The following GFI1B variants were observed in gnomAD, a reference collection of about 807,000 sequenced individuals.
GFI1B encodes zinc finger protein Gfi-1b.
Under a neutral mutation model 35.3 loss-of-function variants are expected in GFI1B, and 20 were observed. The ratio of observed to expected loss-of-function variants is 0.57; its 90% CI spans 0.40 to 0.82. GFI1B has a LOEUF of 0.82. Ranked by LOEUF, GFI1B falls within the 40% of genes least tolerant of loss-of-function variation. The pLI is 0.00. For missense variants in GFI1B, 430 were observed against 446.3 expected, an observed-to-expected ratio of 0.96 and a Z score of 0.33; for synonymous variants, 178 against 177.6, an observed-to-expected ratio of 1.00 and a Z score of -0.02.
At chr9:132,975,423 T>C (rs138060708), upstream of GFI1B, among the ~76,000 whole-genome samples, 353 of 152,258 alleles carry the variant, frequency 2.3e-3, 1 homozygote, top group African/African-American at 7.1e-3. Flanking sequence ...TTTCCCTACC[T>C]TCCTTCTCCC....
chr9:132,948,398 C>T (rs1172549054), intron 1 of GFI1B, among the ~76,000 whole-genome samples: 1 of 152,158 alleles, frequency 6.6e-6, no homozygotes, highest in Non-Finnish European at 1.5e-5. Context: ...CCCTGGCCTT[C>T]CAAGTTCCAT....
At chr9:132,947,941 G>A (rs1848146649) in intron 1 of GFI1B, among the ~76,000 whole-genome samples, 1 of 152,318 alleles carries the variant, frequency 6.6e-6, no homozygotes, top group East Asian at 1.9e-4. Flanking sequence ...CAGTCTATGA[G>A]TGGTTGAAGT....
chr9:132,953,994 G>GT (rs1012867238), intron 1 of GFI1B, among the ~76,000 whole-genome samples: 12 of 152,040 alleles, frequency 7.9e-5, no homozygotes, highest in African/African-American at 2.9e-4. Flanking sequence ...CCTGCCCCCT[G>GT]TTTTTTGTGC....
chr9:132,953,299 A>G (rs534235582), intron 1 of GFI1B: 19 of 152,340 alleles, frequency 1.2e-4, no homozygotes, highest in African/African-American at 4.6e-4. Context: ...TCTTTAACTT[A>G]TCACCATCTA....
rs945098182 is a variant in GFI1B at position 132,989,971 on chromosome 9, C to T, written c.814+64C>T. 5.6e-6 allele frequency: 8 copies of T among 1,423,684 alleles called. No homozygotes were observed. The highest frequency in any genetic ancestry group is 1.7e-4 in the Middle Eastern group (1 of 5,746). 88.2% of individuals were successfully genotyped at this position (1,423,684 alleles called of 1,614,324 possible). A position where few individuals can be genotyped will look rare whatever the true frequency, so the allele number is the denominator to read the frequency against. The stretch of plus-strand genomic sequence containing the variant: ...CACCCCCACCTTTCCCTGAGAGATG[C>T]ATCAGAGGCCCCCAGCGTGAGGCTG... On this transcript the variant is annotated intron_variant, in intron 6 of 6. Transcript: ENST00000372122. The surrounding 1 kb of genome is among the most constrained non-coding windows in gnomAD (Gnocchi z 6.2).
chr9:132,953,542 T>C (rs1225388078), intron 1 of GFI1B: 1 of 152,310 alleles, frequency 6.6e-6, no homozygotes, highest in East Asian at 1.9e-4. Flanking sequence ...TAGTCCCAGC[T>C]ACTTGGGAGG....
chr9:132,978,931 C>T (rs1202784474), intron 1 of GFI1B, 90 bp downstream of exon 1: 1 of 152,280 alleles, frequency 6.6e-6, no homozygotes, highest in Non-Finnish European at 1.5e-5. Flanking sequence ...CTGGCTCCTC[C>T]TGCGGTCCTA....
intron 1 of GFI1B, among the ~76,000 whole-genome samples, chr9:132,984,435 C>T (rs541228243): frequency 1.3e-5 from 2 of 152,144 alleles, no homozygotes; most frequent in Non-Finnish European, 2.9e-5. Flanking sequence ...AGAATCTGAC[C>T]GCGGGAAGGG....
chr9:132,988,395 C>T lies in GFI1B; in HGVS notation c.437C>T (p.Thr146Ile). The change falls in exon 4 of 7, where the codon ACT becomes ATT. Residue 146 changes from threonine to isoleucine, a missense_variant. Transcript: ENST00000372122. The part of the protein sequence containing the change: ...SLYGSPLVPS[T>I]EPALDFSLRY... ...TACGGCAGTCCTCTTGTGCCCAGCA[C>T]TGAGCCCGCCTTGGACTTCAGCCTC... The T allele has an allele frequency of 6.2e-7, 1 of 1,614,158 alleles. No homozygotes were observed. The highest frequency in any genetic ancestry group is 8.5e-7 in the Non-Finnish European group (1 of 1,179,980).
intron 1 of GFI1B, among the ~76,000 whole-genome samples, chr9:132,958,949 GC>G (rs1180260175): frequency 2.0e-5 from 3 of 152,184 alleles, no homozygotes; most frequent in African/African-American, 7.2e-5. Flanking sequence ...GGTGAGCCGG[GC>G]CCTCTGGTGA....
chr9:132,948,495 G>A (rs1848154670), intron 1 of GFI1B, among the ~76,000 whole-genome samples: 2 of 152,236 alleles, frequency 1.3e-5, no homozygotes, highest in African/African-American at 4.8e-5. Context: ...GTGGGATTCA[G>A]AGGCCTTTGG....
In GFI1B at chr9:132,949,268, TACACACACAC is replaced by T. The variant is rs36015720; in HGVS notation, c.-701+3627_-701+3636del. The stretch of plus-strand genomic sequence containing the variant: ...CTGTGAATCAAGCCAAACCCACAGA[TACACACACAC>T]ACACACACACACACACACACACACA... On this transcript the variant is annotated intron_variant, in intron 1 of 10. Coordinates refer to the GFI1B transcript ENST00000339463. Among the ~76,000 whole-genome samples, 14 of 137,682 alleles carry T rather than the reference TACACACACAC, an allele frequency of 1.0e-4. No individual in the cohort carries two copies. The South Asian group carries it at 1.2e-3, about 12-fold the overall frequency. 90.3% of individuals were successfully genotyped at this position (137,682 alleles called of 152,430 possible). A position where few individuals can be genotyped will look rare whatever the true frequency, so the allele number is the denominator to read the frequency against.
intron 1 of GFI1B, among the ~76,000 whole-genome samples, 167 bp from the exon 2 acceptor site, chr9:132,986,492 C>A (rs1849065086): frequency 6.6e-6 from 1 of 152,204 alleles, no homozygotes; most frequent in South Asian, 2.1e-4. Flanking sequence ...TGCAAAAACA[C>A]CCTATTGCTA....
At chr9:132,983,423 C>G (rs1444320370) in intron 1 of GFI1B, among the ~76,000 whole-genome samples, 1 of 152,046 alleles carries the variant, frequency 6.6e-6, no homozygotes, top group Non-Finnish European at 1.5e-5. Flanking sequence ...TCTCGAACTC[C>G]TGATCTTGTG....
intron 1 of GFI1B, among the ~76,000 whole-genome samples, chr9:132,950,352 C>T (rs1488564621): frequency 6.6e-6 from 1 of 151,974 alleles, no homozygotes; most frequent in Non-Finnish European, 1.5e-5. Context: ...GCCCACTACC[C>T]CTATCAAATG....
intron 1 of GFI1B, among the ~76,000 whole-genome samples, chr9:132,959,710 G>A (rs532087127): frequency 6.6e-6 from 1 of 152,188 alleles, no homozygotes; most frequent in African/African-American, 2.4e-5. Flanking sequence ...CCCTCTGAAG[G>A]TTCCGAGGGA....
At position 132,989,415 on chromosome 9, in the gene GFI1B, T is replaced by A. The variant is rs1425482383; in HGVS notation, c.648+217T>A. 3.3e-5 allele frequency among the ~76,000 whole-genome samples: 5 copies of A among 152,048 alleles called. No homozygotes were observed. The highest frequency in any genetic ancestry group is 1.2e-4 in the African/African-American group (5 of 41,398). ...TAAACCACCGTGCAGACCACAACCA[T>A]CCCTGCCTCAAGGAACTCACTCTAG... On this transcript the variant is annotated intron_variant, in intron 5 of 6. Coordinates refer to ENST00000372122, the MANE Select transcript of GFI1B (RefSeq NM_001377304.1). The surrounding 1 kb of genome is among the most constrained non-coding windows in gnomAD (Gnocchi z 6.2).
At chr9:132,985,994 G>T (rs1021407756) in intron 1 of GFI1B, among the ~76,000 whole-genome samples, 1 of 152,172 alleles carries the variant, frequency 6.6e-6, no homozygotes, top group East Asian at 1.9e-4. Flanking sequence ...CATGCCAATG[G>T]GAGCAGGCTT....
At chr9:132,978,605 C>T (rs1410281044), upstream of GFI1B, 1 of 152,178 alleles carries the variant, frequency 6.6e-6, no homozygotes, top group East Asian at 1.9e-4. Context: ...TGAGCTCCCG[C>T]GCTCTCTTCA....
Sources: gnomAD v4.1 joint callset for allele counts (sites outside exome capture counted in the v4.1 genomes callset) on GRCh38, gnomAD v4.1.1 for gene constraint, Gnocchi (gnomAD v3.1) non-coding constraint, MANE v1.5 for transcripts, NCBI Gene and HGNC (gene_info 2026-07-23, HGNC 2026-07-21) for gene names.